The following ADGRB3 variants were observed in gnomAD, a reference collection of about 807,000 sequenced individuals.
ADGRB3 encodes the protein adhesion G protein-coupled receptor B3, also known as brain-specific angiogenesis inhibitor 3.
In ADGRB3, 37 loss-of-function variants were observed where a neutral mutation model predicts 193.4. The ratio of observed to expected loss-of-function variants is 0.19; its 90% CI spans 0.15 to 0.25. The LOEUF (loss-of-function observed/expected upper bound fraction) is 0.25. Ranked by LOEUF, ADGRB3 falls within the 10% of genes least tolerant of loss-of-function variation. The pLI, the probability that ADGRB3 is intolerant of heterozygous loss-of-function variation, is 1.00. For synonymous variants in ADGRB3, 690 were observed against 644.2 expected (o/e 1.07, Z -1.08); for missense variants, 1,637 against 1,852.9 (o/e 0.88, Z 2.14).
intron 17 of ADGRB3, among the ~76,000 whole-genome samples, chr6:69,146,187 C>T (rs314217): frequency 1 from 152,259 of 152,268 alleles, 76,125 homozygotes; most frequent in Non-Finnish European, 1. Flanking sequence ...TCAGCTTTAC[C>T]CCCATGCTCA....
intron 26 of ADGRB3, among the ~76,000 whole-genome samples, chr6:69,344,572 T>G (rs540940167): frequency 2.6e-5 from 4 of 152,192 alleles, no homozygotes; most frequent in African/African-American, 9.6e-5. Context: ...AAGCCAGTAG[T>G]GATGAAATAA....
chr6:69,159,230 C>A (rs1299321926), intron 17 of ADGRB3, among the ~76,000 whole-genome samples: 1 of 151,984 alleles, frequency 6.6e-6, no homozygotes, highest in African/African-American at 2.4e-5. Flanking sequence ...GTTTCACCTC[C>A]TAAAAAATGT....
At chr6:69,047,362 C>T (rs1316767986) in intron 13 of ADGRB3, among the ~76,000 whole-genome samples, 1 of 150,740 alleles carries the variant, frequency 6.6e-6, no homozygotes, top group African/African-American at 2.4e-5. Context: ...AGTTTTATTA[C>T]ACATTATAAA....
chr6:69,108,545 TTGTG>T (rs147934006), intron 17 of ADGRB3, among the ~76,000 whole-genome samples: 1 of 151,868 alleles, frequency 6.6e-6, no homozygotes, highest in African/African-American at 2.4e-5. Flanking sequence ...ACACCTTATT[TTGTG>T]TGTGTGTGTT....
At chr6:68,717,055 T>C (rs759458941) in intron 3 of ADGRB3, among the ~76,000 whole-genome samples, 4 of 151,678 alleles carry the variant, frequency 2.6e-5, no homozygotes, top group Non-Finnish European at 5.9e-5. Context: ...GTTTTCAAGT[T>C]CTACTCAAGA....
At chr6:69,264,925 T>G (rs1767008488) in intron 20 of ADGRB3, among the ~76,000 whole-genome samples, 2 of 151,926 alleles carry the variant, frequency 1.3e-5, no homozygotes, top group African/African-American at 4.8e-5. Context: ...TCCCATTGGT[T>G]TATTCCCAAG....
chr6:68,876,561 A>G (rs140436813), intron 3 of ADGRB3, among the ~76,000 whole-genome samples: 1 of 152,172 alleles, frequency 6.6e-6, no homozygotes, highest in East Asian at 1.9e-4. Flanking sequence ...TACTTTTCTT[A>G]TAGGAAATCA....
chr6:68,865,317 A>G (rs934766431), intron 3 of ADGRB3, among the ~76,000 whole-genome samples: 1 of 152,060 alleles, frequency 6.6e-6, no homozygotes, highest in Non-Finnish European at 1.5e-5. Context: ...TTAAAATTAC[A>G]TTTTCTCTTT....
chr6:68,918,243 A>T (rs1766936437), intron 3 of ADGRB3, among the ~76,000 whole-genome samples: 1 of 152,086 alleles, frequency 6.6e-6, no homozygotes, highest in Non-Finnish European at 1.5e-5. Flanking sequence ...GGGAAGAAAA[A>T]CCTGTTAAGA....
chr6:68,892,475 G>A (rs1006779965), intron 3 of ADGRB3, among the ~76,000 whole-genome samples: 1 of 152,102 alleles, frequency 6.6e-6, no homozygotes. Context: ...ATGTAAATTA[G>A]CCAGCTCATT....
intron 20 of ADGRB3, among the ~76,000 whole-genome samples, chr6:69,288,862 A>G (rs1489532298): frequency 3.3e-5 from 5 of 152,150 alleles, no homozygotes; most frequent in Admixed American, 1.3e-4. Flanking sequence ...TTATATGTCA[A>G]GGTGGTGTTA....
rs202228765 is a variant in ADGRB3, at chr6:68,648,464, G to GT, written c.757+9039dup. On this transcript the variant is annotated intron_variant, in intron 3 of 31. Transcript: ENST00000370598. ...AAACAAGTTTATTTGGGGAGTGTGA[G>GT]TTTTTTTGTTTTTTTTTTCGAAAGA... Among the ~76,000 whole-genome samples, 322 of 137,360 alleles carry GT rather than the reference G, an allele frequency of 2.3e-3. 6 individuals carry two copies. Among genetic ancestry groups the GT allele is most frequent in the South Asian group, 6.1e-3 (27 of 4,406 alleles). The allele number at this position is 137,360 out of a possible 152,430, so 90.1% of individuals were successfully genotyped here.
chr6:69,039,038 C>T (rs905209223), intron 13 of ADGRB3, among the ~76,000 whole-genome samples: 14 of 152,118 alleles, frequency 9.2e-5, no homozygotes, highest in Non-Finnish European at 2.1e-4. Flanking sequence ...GATTGGCATG[C>T]CCACACTGTC....
Position 68,735,440 on chromosome 6 carries a change from T to C in ADGRB3, c.757+96008T>C, listed in dbSNP as rs191676086. Among the ~76,000 whole-genome samples the C allele has an allele frequency of 2.2e-4, 33 of 152,130 alleles. 1 individual carries two copies. The East Asian group carries it at 6.4e-3, about 29-fold the overall frequency. ...TGTAAATATATATGATAGATAAGAA[T>C]ATAGGAAATCATTTACAAATTAGAA... On this transcript the variant is annotated intron_variant, in intron 3 of 31. Transcript: ENST00000370598.
chr6:68,817,487 T>C (rs1206103516), intron 3 of ADGRB3, among the ~76,000 whole-genome samples: 1 of 151,228 alleles, frequency 6.6e-6, no homozygotes, highest in African/African-American at 2.4e-5. Flanking sequence ...TCCTGTAAAG[T>C]ATAAAAGCCT....
intron 5 of ADGRB3, among the ~76,000 whole-genome samples, chr6:68,937,572 G>C (rs1767515425): frequency 6.6e-6 from 1 of 152,190 alleles, no homozygotes; most frequent in African/African-American, 2.4e-5. Context: ...ACCTCCAAAA[G>C]GGGATGGGTG....
At chr6:69,136,390 T>C (rs886553941) in intron 17 of ADGRB3, among the ~76,000 whole-genome samples, 2 of 152,114 alleles carry the variant, frequency 1.3e-5, no homozygotes, top group Non-Finnish European at 2.9e-5. Flanking sequence ...TCTCTATAAA[T>C]GTAGCACTTA....
chr6:68,993,673 A>T, intron 10 of ADGRB3, 95 bp from the exon 11 acceptor site: 1 of 1,291,670 alleles, frequency 7.7e-7, no homozygotes, highest in Non-Finnish European at 1.1e-6. Flanking sequence ...ATTTTAAGTT[A>T]ATTGAGCAAT....
chr6:69,346,365 G>A (rs563457120), intron 26 of ADGRB3, among the ~76,000 whole-genome samples: 1 of 152,262 alleles, frequency 6.6e-6, no homozygotes, highest in South Asian at 2.1e-4. Context: ...AACCAAAACA[G>A]CATGGTACTG....
Sources: gnomAD v4.1 joint callset for allele counts (sites outside exome capture counted in the v4.1 genomes callset) on GRCh38, gnomAD v4.1.1 for gene constraint, MANE v1.5 for transcripts, NCBI Gene and HGNC (gene_info 2026-07-23, HGNC 2026-07-21) for gene names.